Variants in BCAS3 observed in about 807,000 individuals in gnomAD.
BCAS3 encodes the protein BCAS3 microtubule associated cell migration factor.
BCAS3 carries 53 observed loss-of-function variants against 116.1 expected under a neutral mutation model. The observed-to-expected ratio is 0.46, with a 90% CI of 0.37 to 0.57. BCAS3 has a LOEUF of 0.57. Among genes scored for constraint, BCAS3 ranks in the 20% least tolerant of loss-of-function variants. The probability of loss-of-function intolerance (pLI) is 0.00; values close to 1 mark genes in which losing one functional copy is unlikely to be tolerated. For missense variants in BCAS3, 917 were observed against 1,165.4 expected, an observed-to-expected ratio of 0.79 and a Z score of 3.10; for synonymous variants, 391 against 408.2, an observed-to-expected ratio of 0.96 and a Z score of 0.51.
chr17:61,316,436 T>A lies in BCAS3; in HGVS notation c.2426-51891T>A, dbSNP rs1374925643. On this transcript the variant is annotated intron_variant, in intron 22 of 23. Transcript: ENST00000407086. This position sits in a 1 kb window ranked among gnomAD's most constrained non-coding sequence, Gnocchi z 5.8. Reference sequence around the variant, plus strand: ...CAGAAGAGATGATGTTCATGCCCCATGCCTTTGTTGGTACTGGTCCCTGAG... The same window carrying A: ...CAGAAGAGATGATGTTCATGCCCCAAGCCTTTGTTGGTACTGGTCCCTGAG... 6.6e-6 allele frequency among the ~76,000 whole-genome samples: 1 copy of A among 152,136 alleles called. No homozygotes were observed. Among genetic ancestry groups the A allele is most frequent in the Non-Finnish European group, 1.5e-5 (1 of 68,028 alleles).
chr17:60,768,618 CT>C (rs2044348557), intron 6 of BCAS3, among the ~76,000 whole-genome samples: 1 of 152,162 alleles, frequency 6.6e-6, no homozygotes, highest in African/African-American at 2.4e-5. Context: ...ATCTATCTAT[CT>C]CCTATTCTGT....
intron 14 of BCAS3, among the ~76,000 whole-genome samples, chr17:60,951,836 C>T (rs966258496): frequency 1.4e-5 from 2 of 139,576 alleles, no homozygotes; most frequent in East Asian, 2.3e-4. Flanking sequence ...ATGGCACAAT[C>T]GCGGCTCACT....
Position 61,302,262 on chromosome 17 carries a change from C to T in BCAS3, c.2426-66065C>T, listed in dbSNP as rs1285870463. 1.3e-5 allele frequency among the ~76,000 whole-genome samples: 2 copies of T among 152,144 alleles called. No homozygotes were observed. The highest frequency in any genetic ancestry group is 2.9e-5 in the Non-Finnish European group (2 of 68,038). On this transcript the variant is annotated intron_variant, in intron 22 of 23. Coordinates refer to ENST00000407086, the MANE Select transcript of BCAS3 (RefSeq NM_017679.5). This position sits in a 1 kb window ranked among gnomAD's most constrained non-coding sequence, Gnocchi z 4.4. ...TCTCTTAATGTCACATCAGAATGTA[C>T]CACGGAATCTGACTTTGCCATTTGT...
At chr17:61,283,641 G>A (rs1004862558) in intron 22 of BCAS3, among the ~76,000 whole-genome samples, 3 of 151,854 alleles carry the variant, frequency 2.0e-5, no homozygotes, top group African/African-American at 7.3e-5. Context: ...TTTTAGTCGA[G>A]ACAGGGTTTC....
At chr17:60,922,604 T>A (rs2059163234) in intron 12 of BCAS3, among the ~76,000 whole-genome samples, 1 of 152,180 alleles carries the variant, frequency 6.6e-6, no homozygotes, top group Non-Finnish European at 1.5e-5. Flanking sequence ...AAGACATGAT[T>A]AACACTATTT....
At position 61,377,689 on chromosome 17, in the gene BCAS3, G is replaced by A. The variant is rs912399780; in HGVS notation, c.2593+9195G>A. ...GTCCTGGCTGCTGCAGGGAGCACTCGGTCTCTCTCTTTTACTCCTCTCCAC... is the reference window on the plus strand; with the variant it reads ...GTCCTGGCTGCTGCAGGGAGCACTCAGTCTCTCTCTTTTACTCCTCTCCAC... On this transcript the variant is annotated intron_variant, in intron 23 of 23. Coordinates refer to ENST00000407086, the MANE Select transcript of BCAS3 (RefSeq NM_017679.5). The surrounding 1 kb of genome is among the most constrained non-coding windows in gnomAD (Gnocchi z 4.6). 3.3e-5 allele frequency: 5 copies of A among 152,132 alleles called. No homozygotes were observed. Among genetic ancestry groups the A allele is most frequent in the African/African-American group, 9.7e-5 (4 of 41,400 alleles). The allele number at this position is 152,132 out of a possible 1,614,324, so 9.4% of individuals were successfully genotyped here.
At chr17:60,941,494 C>G (rs9912055) in intron 13 of BCAS3, among the ~76,000 whole-genome samples, 27,728 of 152,008 alleles carry the variant, frequency 0.18, 2,775 homozygotes, top group African/African-American at 0.28. Context: ...AAAGAAAGCA[C>G]GTGACTATGT....
chr17:61,275,109 CCA>C (rs746037115), intron 22 of BCAS3, among the ~76,000 whole-genome samples: 34 of 152,082 alleles, frequency 2.2e-4, no homozygotes, highest in Non-Finnish European at 4.4e-4. Context: ...CATCAGCCTC[CCA>C]AAGTACTAGG....
At chr17:60,829,207 G>T (rs2050696387) in intron 7 of BCAS3, among the ~76,000 whole-genome samples, 3 of 151,988 alleles carry the variant, frequency 2.0e-5, no homozygotes, top group African/African-American at 7.2e-5. Flanking sequence ...TATAACAATA[G>T]TAGAGGGTCG....
intron 7 of BCAS3, among the ~76,000 whole-genome samples, chr17:60,837,900 G>A (rs9903801): frequency 6.6e-6 from 1 of 151,812 alleles, no homozygotes; most frequent in Non-Finnish European, 1.5e-5. Flanking sequence ...GATCCACCCC[G>A]TTGGCCTCCC....
chr17:60,916,458 C>G (rs1284862661), intron 12 of BCAS3, among the ~76,000 whole-genome samples: 1 of 152,128 alleles, frequency 6.6e-6, no homozygotes, highest in African/African-American at 2.4e-5. Context: ...CGCAGATCAA[C>G]TCTTAAAAAT....
chr17:61,027,035 A>G (rs1437288941), intron 16 of BCAS3: 10 of 755,758 alleles, frequency 1.3e-5, no homozygotes, highest in Admixed American at 5.1e-5. Context: ...TTACTGAATA[A>G]TTTGTAGATG....
At chr17:60,891,328 C>T (rs1189813784) in intron 10 of BCAS3, among the ~76,000 whole-genome samples, 1 of 152,140 alleles carries the variant, frequency 6.6e-6, no homozygotes, top group African/African-American at 2.4e-5. Flanking sequence ...GGGGAAAGAA[C>T]TCCCTTCATA....
chr17:61,197,302 T>C (rs1287150702), intron 22 of BCAS3, among the ~76,000 whole-genome samples: 3 of 152,164 alleles, frequency 2.0e-5, no homozygotes, highest in African/African-American at 7.2e-5. Flanking sequence ...TGAAGCCAAA[T>C]TGAATGGCAA....
chr17:60,942,001 C>A (rs1173879616), intron 13 of BCAS3, among the ~76,000 whole-genome samples: 1 of 152,132 alleles, frequency 6.6e-6, no homozygotes, highest in Non-Finnish European at 1.5e-5. Flanking sequence ...AAATTTGTTA[C>A]AGAGAGGTGG....
chr17:60,874,380 A>G (rs2055399501), intron 8 of BCAS3, among the ~76,000 whole-genome samples: 1 of 152,208 alleles, frequency 6.6e-6, no homozygotes, highest in Admixed American at 6.5e-5. Context: ...CTGAAACAAA[A>G]CTATTAAAAG....
At chr17:60,680,134 CAAAAAAA>C (rs11442352) in intron 2 of BCAS3, among the ~76,000 whole-genome samples, 1 of 108,382 alleles carries the variant, frequency 9.2e-6, no homozygotes, top group African/African-American at 3.9e-5. Context: ...ACTCTGTCTC[CAAAAAAA>C]AAAAAAAAAA....
intron 22 of BCAS3, among the ~76,000 whole-genome samples, chr17:61,341,324 C>T (rs946964765): frequency 6.6e-6 from 1 of 152,296 alleles, no homozygotes; most frequent in East Asian, 1.9e-4. Flanking sequence ...AGTCAGCCAC[C>T]ACAGGAGAGG....
intron 19 of BCAS3, among the ~76,000 whole-genome samples, chr17:61,050,501 G>A (rs1333649336): frequency 6.6e-6 from 1 of 151,508 alleles, no homozygotes; most frequent in Admixed American, 6.6e-5. Flanking sequence ...ATATGTGAGT[G>A]GTATAATATT....
Sources: gnomAD v4.1 joint callset for allele counts (sites outside exome capture counted in the v4.1 genomes callset) on GRCh38, gnomAD v4.1.1 for gene constraint, Gnocchi (gnomAD v3.1) non-coding constraint, MANE v1.5 for transcripts, NCBI Gene and HGNC (gene_info 2026-07-23, HGNC 2026-07-21) for gene names.